The following STIP1 variants were observed in gnomAD, a reference collection of about 807,000 sequenced individuals.
STIP1 encodes the protein stress induced phosphoprotein 1, also known as stress-induced-phosphoprotein 1.
In STIP1, 16 loss-of-function variants were observed where a neutral mutation model predicts 77.4. The ratio of observed to expected loss-of-function variants is 0.21; its 90% CI spans 0.14 to 0.31. STIP1 has a LOEUF of 0.31. Ranked by LOEUF, STIP1 falls within the 10% of genes least tolerant of loss-of-function variation. The pLI is 1.00. For missense variants in STIP1, 524 were observed against 684.8 expected (o/e 0.77, Z 2.62); for synonymous variants, 258 against 246.6 (o/e 1.05, Z -0.44).
chr11:64,193,927 A>AT (rs1555041916), intron 2 of STIP1, among the ~76,000 whole-genome samples: 1 of 152,248 alleles, frequency 6.6e-6, no homozygotes, highest in East Asian at 1.9e-4. Context: ...TACCAAAAAA[A>AT]TAAGGGAAAA....
At chr11:64,201,321 A>G (rs1043580915) in intron 10 of STIP1, among the ~76,000 whole-genome samples, 10 of 152,210 alleles carry the variant, frequency 6.6e-5, no homozygotes, top group Non-Finnish European at 1.5e-4. Flanking sequence ...GATTACAGGC[A>G]TGAGCCACTG....
rs759277826 is a variant in STIP1 at position 64,186,224 on chromosome 11, C to G, written c.-38C>G. The G allele has an allele frequency of 3.2e-6, 5 of 1,544,704 alleles. No homozygotes were observed. Among genetic ancestry groups the G allele is most frequent in the Non-Finnish European group, 3.5e-6 (4 of 1,143,372 alleles). On this transcript the variant is annotated 5_prime_UTR_variant, in exon 1 of 14. Transcript: ENST00000305218. ...CGTGCGGTTGGGAACGCGGAGCGGA[C>G]GGATTCGATTCAACGGGGTTCCGGA...
chr11:64,192,601 C>T (rs911387904), intron 1 of STIP1, among the ~76,000 whole-genome samples: 2 of 152,204 alleles, frequency 1.3e-5, no homozygotes, highest in Admixed American at 6.5e-5. Flanking sequence ...TTGCCGCTCC[C>T]AAGAAAGAGA....
intron 5 of STIP1, among the ~76,000 whole-genome samples, chr11:64,196,040 T>G (rs1029113526): frequency 1.3e-5 from 2 of 152,150 alleles, no homozygotes; most frequent in Non-Finnish European, 1.5e-5. Flanking sequence ...AAAACTATTT[T>G]GAGTGCTTTA....
intron 13 of STIP1, 32 bp downstream of exon 13, chr11:64,203,654 A>C (rs1591017171): frequency 1.2e-6 from 2 of 1,613,856 alleles, no homozygotes; most frequent in East Asian, 4.5e-5. Flanking sequence ...GCCTTGCTGG[A>C]AATGGAGAAC....
At chr11:64,203,795 G>A (rs1387060324) in intron 13 of STIP1, 173 bp downstream of exon 13, 10 of 781,218 alleles carry the variant, frequency 1.3e-5, no homozygotes, top group South Asian at 6.8e-5. Context: ...TTTGTTAGTC[G>A]TGATAGCTTA....
rs939059597 is a variant in STIP1, at chr11:64,194,727, C to T, written c.503+107C>T. 4.2e-6 allele frequency: 6 copies of T among 1,418,548 alleles called. No homozygotes were observed. In the African/African-American group the frequency reaches 4.3e-5, roughly 10 times the overall value. The allele number at this position is 1,418,548 out of a possible 1,614,324, so 87.9% of individuals were successfully genotyped here. A position where few individuals can be genotyped will look rare whatever the true frequency, so the allele number is the denominator to read the frequency against. On this transcript the variant is annotated intron_variant, in intron 4 of 13. Coordinates refer to ENST00000305218, the MANE Select transcript of STIP1 (RefSeq NM_006819.3). ...CTGGTCTAAACTGCAGAGTTTTTGCCTTTGCTTATTCTCTGCAGAGCAGTA... is the reference window on the plus strand; with the variant it reads ...CTGGTCTAAACTGCAGAGTTTTTGCTTTTGCTTATTCTCTGCAGAGCAGTA...
intron 3 of STIP1, 59 bp from the exon 4 acceptor site, chr11:64,194,420 G>A: frequency 1.2e-6 from 2 of 1,612,076 alleles, no homozygotes; most frequent in Non-Finnish European, 1.7e-6. Context: ...GTAGGGTATG[G>A]GACACAGTAA....
chr11:64,186,336 T>TG, intron 1 of STIP1, 66 bp downstream of exon 1: 2 of 226,388 alleles, frequency 8.8e-6, no homozygotes, highest in Non-Finnish European at 1.1e-5. Context: ...CAGGCCGCGG[T>TG]AGGGGGGCGG....
chr11:64,193,664 G>A (rs1565279494), intron 2 of STIP1, among the ~76,000 whole-genome samples: 1 of 152,184 alleles, frequency 6.6e-6, no homozygotes. Context: ...GCATGTGCTT[G>A]TAGTCCCATC....
Position 64,197,886 on chromosome 11 carries a change from A to C in STIP1, c.935A>C (p.Lys312Thr). The change falls in exon 8 of 14, where the codon AAA becomes ACA. Residue 312 changes from lysine (K) to threonine (T), a missense_variant. Physicochemically the swap from Lys to Thr is moderately conservative, Grantham distance 78. Transcript: ENST00000305218. ...GCTCGAATTGGCAACTCCTACTTCA[A>C]AGAAGAAAAGTACAAGGATGCCATC... ...AYARIGNSYF[K>T]EEKYKDAIHF... 6.2e-7 allele frequency: 1 copy of C among 1,612,470 alleles called. No individual in the cohort carries two copies. The highest frequency in any genetic ancestry group is 8.5e-7 in the Non-Finnish European group (1 of 1,179,838).
At chr11:64,191,591 C>T in intron 1 of STIP1, among the ~76,000 whole-genome samples, 1 of 152,084 alleles carries the variant, frequency 6.6e-6, no homozygotes, top group Non-Finnish European at 1.5e-5. Flanking sequence ...GGGGACAGAG[C>T]AAGACTCTGT....
In STIP1 at chr11:64,195,726, G is replaced by A. The variant is rs375284299; in HGVS notation, c.585G>A (p.Glu195=). Reference sequence around the variant, plus strand: ...TGGGCAGTATGGATGAGGAGGAAGAGATTGCAACACCTCCACCACCACCCC... The same window carrying A: ...TGGGCAGTATGGATGAGGAGGAAGAAATTGCAACACCTCCACCACCACCCC... ...VDLGSMDEEE[E]IATPPPPPPP... The change falls in exon 5 of 14, where the codon GAG becomes GAA. Residue 195 remains glutamate (E), a synonymous_variant. Transcript: ENST00000305218. 3.1e-5 allele frequency: 50 copies of A among 1,613,980 alleles called. No homozygotes were observed. The highest frequency in any genetic ancestry group is 4.0e-5 in the Non-Finnish European group (47 of 1,180,034).
rs775954265 is a variant in STIP1 at position 64,202,921 on chromosome 11, C to G, written c.1282+9C>G. The G allele has an allele frequency of 1.2e-6, 2 of 1,614,084 alleles. No individual in the cohort carries two copies. The highest frequency in any genetic ancestry group is 1.7e-5 in the Admixed American group (1 of 60,004). ...GCTGGAGCCGACCTTCAGTAAGTGCCTTTCTGCTGCCTGTCCCCTGTCTCT... is the reference window on the plus strand; with the variant it reads ...GCTGGAGCCGACCTTCAGTAAGTGCGTTTCTGCTGCCTGTCCCCTGTCTCT... On this transcript the variant is annotated intron_variant, in intron 11 of 13. Transcript: ENST00000305218.
At chr11:64,186,975 C>T (rs868661380) in intron 1 of STIP1, among the ~76,000 whole-genome samples, 23 of 152,230 alleles carry the variant, frequency 1.5e-4, no homozygotes, top group Middle Eastern at 3.4e-3. Flanking sequence ...ATTGCGGCCC[C>T]TCCCCCTCTT....
At chr11:64,194,700 C>T (rs1313154006) in intron 4 of STIP1, 80 bp downstream of exon 4, 58 of 1,539,884 alleles carry the variant, frequency 3.8e-5, no homozygotes, top group Non-Finnish European at 5.1e-5. Context: ...GCAGAGGGTT[C>T]CCTGGTCTAA....
intron 1 of STIP1, among the ~76,000 whole-genome samples, chr11:64,189,460 G>A (rs546630594): frequency 8.9e-4 from 136 of 152,236 alleles, no homozygotes; most frequent in African/African-American, 3.0e-3. Flanking sequence ...CTGGCTGGTC[G>A]AGGTTGCAGT....
At chr11:64,198,102 A>T in intron 8 of STIP1, 128 bp downstream of exon 8, 3 of 1,312,204 alleles carry the variant, frequency 2.3e-6, no homozygotes, top group Non-Finnish European at 3.1e-6. Context: ...TCTTTCACCC[A>T]GGCTGAAAGA....
chr11:64,186,145 G>A, upstream of STIP1: 1 of 1,550,612 alleles, frequency 6.4e-7, no homozygotes, highest in South Asian at 1.2e-5. Flanking sequence ...AGCAGGCGAG[G>A]AAGGGGCGGG....
Sources: allele counts gnomAD v4.1 joint callset (sites outside exome capture counted in the v4.1 genomes callset), GRCh38; gene constraint gnomAD v4.1.1; transcripts MANE v1.5; gene names NCBI Gene and HGNC (gene_info 2026-07-23, HGNC 2026-07-21).